The following GRIN2A variants were observed in gnomAD, a reference collection of about 807,000 sequenced individuals.
GRIN2A encodes glutamate receptor ionotropic, NMDA 2A.
Under a neutral mutation model 113.4 loss-of-function variants are expected in GRIN2A, and 22 were observed. The observed-to-expected ratio is 0.19, with a 90% confidence interval of 0.14 to 0.28. The LOEUF (loss-of-function observed/expected upper bound fraction) is 0.28. Among genes scored for constraint, GRIN2A ranks in the 10% least tolerant of loss-of-function variants. GRIN2A has a pLI of 1.00. For synonymous variants in GRIN2A, 827 were observed against 738.4 expected (o/e 1.12, Z -1.94); for missense variants, 1,502 against 1,887.0 (o/e 0.80, Z 3.78).
At chr16:9,820,520 C>A (rs895945703) in intron 10 of GRIN2A, among the ~76,000 whole-genome samples, 8 of 152,208 alleles carry the variant, frequency 5.3e-5, no homozygotes, top group African/African-American at 1.9e-4. Context: ...TAGGACATTA[C>A]CCAAATGTCC....
chr16:10,018,051 C>T (rs933911032), intron 2 of GRIN2A, among the ~76,000 whole-genome samples: 6 of 152,186 alleles, frequency 3.9e-5, no homozygotes, highest in African/African-American at 1.4e-4. Flanking sequence ...TCTCTTCTTC[C>T]TTGTCCTGGC....
At chr16:10,168,307 G>T (rs972717949) in intron 2 of GRIN2A, among the ~76,000 whole-genome samples, 1 of 152,218 alleles carries the variant, frequency 6.6e-6, no homozygotes, top group African/African-American at 2.4e-5. Context: ...AGGTGATGAT[G>T]CAGGGATTAT....
chr16:9,971,263 C>T (rs2045663911), intron 2 of GRIN2A, among the ~76,000 whole-genome samples: 1 of 152,224 alleles, frequency 6.6e-6, no homozygotes, highest in African/African-American at 2.4e-5. Context: ...TCCACTTCTT[C>T]CCTGATATAA....
Position 9,763,239 on chromosome 16 carries a change from C to A in GRIN2A, c.4305G>T (p.Lys1435Asn). Residue 1435 changes from lysine (K) to asparagine (N), a missense_variant, in exon 13 of 13, where the codon AAG becomes AAT. Lys to Asn is a moderately conservative substitution (Grantham distance 94). Transcript: ENST00000330684. The stretch of plus-strand genomic sequence containing the variant: ...CCCTGGGGGTAGAGTACATATTATT[C>A]TTATTTGCAGCATAAGGCATAACAT... ...SEHVMPYAANKNNMYSTPRVL... is the reference protein window; with the variant it reads ...SEHVMPYAANNNNMYSTPRVL... The A allele has an allele frequency of 6.2e-6, 10 of 1,614,050 alleles. No homozygotes were observed. Among genetic ancestry groups the A allele is most frequent in the Non-Finnish European group, 8.5e-6 (10 of 1,179,956 alleles).
rs1342865670 is a variant in GRIN2A at position 9,756,236 on chromosome 16, A to T, written c.*6913T>A. The T allele has an allele frequency of 4.4e-6, 1 of 227,758 alleles. No homozygotes were observed. The highest frequency in any genetic ancestry group is 8.7e-6 in the Non-Finnish European group (1 of 114,494). The allele number at this position is 227,758 out of a possible 1,614,324, so 14.1% of individuals were successfully genotyped here. A position where few individuals can be genotyped will look rare whatever the true frequency, so the allele number is the denominator to read the frequency against. ...AAAAAGATGAGACATTAGGAAAGAG[A>T]TATTTAAGATTAGGCACATGCTAAG... On this transcript the variant is annotated 3_prime_UTR_variant, in exon 13 of 13. Coordinates refer to ENST00000330684, the MANE Select transcript of GRIN2A (RefSeq NM_001134407.3).
chr16:9,945,927 T>C (rs1286911826), intron 2 of GRIN2A, among the ~76,000 whole-genome samples: 2 of 152,186 alleles, frequency 1.3e-5, no homozygotes, highest in Non-Finnish European at 2.9e-5. Context: ...TTTCAGACCT[T>C]GTCCCAGTTT....
intron 2 of GRIN2A, among the ~76,000 whole-genome samples, chr16:10,048,511 T>C (rs564622619): frequency 6.6e-6 from 1 of 152,330 alleles, no homozygotes; most frequent in East Asian, 1.9e-4. Flanking sequence ...TGTGGGGACA[T>C]GTTGCCTGCA....
intron 5 of GRIN2A, among the ~76,000 whole-genome samples, chr16:9,845,500 C>T (rs917469436): frequency 2.0e-5 from 3 of 152,158 alleles, no homozygotes; most frequent in African/African-American, 7.2e-5. Flanking sequence ...ACTTTGCTTT[C>T]TTCATCGGGC....
At chr16:9,971,673 G>C (rs888826000) in intron 2 of GRIN2A, among the ~76,000 whole-genome samples, 16 of 152,164 alleles carry the variant, frequency 1.1e-4, no homozygotes, top group Admixed American at 1.0e-3. Context: ...ATCTGATCTA[G>C]TTTATCTGAA....
At chr16:9,921,210 C>G (rs1024891786) in intron 3 of GRIN2A, among the ~76,000 whole-genome samples, 1 of 152,166 alleles carries the variant, frequency 6.6e-6, no homozygotes, top group Non-Finnish European at 1.5e-5. Flanking sequence ...TTGATGACAA[C>G]ATTAACATTT....
chr16:9,794,911 GTGA>G (rs4063472), intron 11 of GRIN2A, among the ~76,000 whole-genome samples: 55,961 of 151,682 alleles, frequency 0.37, 11,134 homozygotes, highest in African/African-American at 0.54. Flanking sequence ...GGCAACTATG[GTGA>G]TGATGAGAAG....
chr16:9,859,267 A>G (rs928579290), intron 4 of GRIN2A, among the ~76,000 whole-genome samples: 3 of 152,028 alleles, frequency 2.0e-5, no homozygotes, highest in African/African-American at 7.3e-5. Context: ...AAAAATTCAT[A>G]ATAGAGATAA....
intron 3 of GRIN2A, among the ~76,000 whole-genome samples, chr16:9,892,137 A>G (rs2043706586): frequency 6.6e-6 from 1 of 152,188 alleles, no homozygotes; most frequent in Admixed American, 6.5e-5. Flanking sequence ...AGGCTGAGGC[A>G]GGAGAATTGC....
At chr16:9,978,146 G>A (rs1023375799) in intron 2 of GRIN2A, among the ~76,000 whole-genome samples, 2 of 152,182 alleles carry the variant, frequency 1.3e-5, no homozygotes, top group Admixed American at 1.3e-4. Context: ...CATAACGAAA[G>A]CACCAACTGA....
At chr16:10,014,413 A>G (rs1346856649) in intron 2 of GRIN2A, among the ~76,000 whole-genome samples, 1 of 152,210 alleles carries the variant, frequency 6.6e-6, no homozygotes. Flanking sequence ...TCCTGGCCTT[A>G]TAAATGTACA....
At position 9,917,771 on chromosome 16, in the gene GRIN2A, C is replaced by A. The variant is rs79076267; in HGVS notation, c.1007+20188G>T. On this transcript the variant is annotated intron_variant, in intron 3 of 12. Transcript: ENST00000330684. ...TACTGTTTAAGGACCAAGTTTACAC[C>A]AGTACTCGTGCGTTCTGCTCCACAA... is the stretch of plus-strand genomic sequence containing the variant. Among the ~76,000 whole-genome samples, 146 of 152,226 alleles carry A rather than the reference C, an allele frequency of 9.6e-4. 1 individual carries two copies. Among genetic ancestry groups the A allele is most frequent in the Non-Finnish European group, 1.7e-3 (114 of 68,018 alleles).
At chr16:10,008,069 G>A (rs2046436522) in intron 2 of GRIN2A, among the ~76,000 whole-genome samples, 2 of 152,116 alleles carry the variant, frequency 1.3e-5, no homozygotes, top group Admixed American at 1.3e-4. Flanking sequence ...GGCACTCTAT[G>A]AACATGAGCT....
At chr16:9,893,454 GT>G (rs2043738274) in intron 3 of GRIN2A, among the ~76,000 whole-genome samples, 1 of 150,756 alleles carries the variant, frequency 6.6e-6, no homozygotes, top group African/African-American at 2.5e-5. Flanking sequence ...AAGGTTTTTT[GT>G]TTTTTGTTTT....
chr16:9,958,588 A>G (rs983736899), intron 2 of GRIN2A, among the ~76,000 whole-genome samples: 1 of 151,660 alleles, frequency 6.6e-6, no homozygotes, highest in Non-Finnish European at 1.5e-5. Flanking sequence ...GCAAATTGGT[A>G]CTAGGACAGA....
Sources: allele counts gnomAD v4.1 joint callset (sites outside exome capture counted in the v4.1 genomes callset), GRCh38; gene constraint gnomAD v4.1.1; transcripts MANE v1.5; gene names NCBI Gene and HGNC (gene_info 2026-07-23, HGNC 2026-07-21).